The following COL11A1 variants were observed in gnomAD, a reference collection of about 807,000 sequenced individuals.
COL11A1 encodes collagen type XI alpha 1 chain, also known as collagen alpha-1(XI) chain.
In COL11A1, 74 loss-of-function variants were observed where a neutral mutation model predicts 265.2. That is an observed-to-expected ratio of 0.28 (90% CI 0.23 to 0.34). The LOEUF (loss-of-function observed/expected upper bound fraction) is 0.34, where lower values mean the gene tolerates loss of function less well. Among genes scored for constraint, COL11A1 ranks in the 10% least tolerant of loss-of-function variants. The pLI is 1.00. For missense variants in COL11A1, 2,165 were observed against 2,263.6 expected (o/e 0.96, Z 0.88); for synonymous variants, 816 against 727.6 (o/e 1.12, Z -1.96).
intron 4 of COL11A1, among the ~76,000 whole-genome samples, chr1:103,051,920 T>A (rs943712570): frequency 1.3e-5 from 2 of 152,202 alleles, no homozygotes; most frequent in African/African-American, 4.8e-5. Flanking sequence ...ACATAGTTCA[T>A]AAGTAATATG....
chr1:103,008,490 T>G lies in COL11A1; in HGVS notation c.1656A>C (p.Lys552Asn). Reference sequence around the variant, plus strand: ...GAGGACCTGGATCACCACTCTCACCTTTGGCCCCAGATGAACCAGGCCCCC... The same window carrying G: ...GAGGACCTGGATCACCACTCTCACCGTTGGCCCCAGATGAACCAGGCCCCC... ...PVGGPGSSGA[K>N]GESGDPGPQG... Residue 552 changes from lysine to asparagine, a missense_variant, in exon 15 of 67, where the codon AAA becomes AAC. Physicochemically the swap from Lys to Asn is moderately conservative, Grantham distance 94 (BLOSUM62 0). Coordinates refer to ENST00000370096, the MANE Select transcript of COL11A1 (RefSeq NM_001854.4). 6.2e-7 allele frequency: 1 copy of G among 1,613,900 alleles called. No homozygotes were observed. Among genetic ancestry groups the G allele is most frequent in the Non-Finnish European group, 8.5e-7 (1 of 1,179,902 alleles).
chr1:102,932,644 G>C (rs971757240), intron 46 of COL11A1, among the ~76,000 whole-genome samples: 1 of 152,084 alleles, frequency 6.6e-6, no homozygotes. Flanking sequence ...GGCCTGCCTT[G>C]CTAGATTGGG....
rs992098 is a variant in COL11A1, at chr1:102,913,949, C to T, written c.3979-259G>A. 0.058 allele frequency among the ~76,000 whole-genome samples: 8,857 copies of T among 152,114 alleles called. 492 individuals are homozygous for T. The highest frequency in any genetic ancestry group is 0.14 in the African/African-American group (5,712 of 41,486). On this transcript the variant is annotated intron_variant, in intron 52 of 66. Coordinates refer to ENST00000370096, the MANE Select transcript of COL11A1 (RefSeq NM_001854.4). ...TTTATATAAGGAAGAAAGAAGATGT[C>T]ATTAGTATACAATGTCAGTGAATCA...
At position 103,006,313 on chromosome 1, in the gene COL11A1, G is replaced by A. The variant is rs763260125; in HGVS notation, c.1686C>T (p.Gly562=). ...CAGGGGGACCCTGGACGCCTCGAGG[G>A]CCCTATATCAAGACATCATAATTAA... ...KGESGDPGPQ[G]PRGVQGPPGP... Residue 562 remains glycine (G), a splice_region_variant and synonymous_variant, in exon 16 of 67, where the codon GGC becomes GGT. Transcript: ENST00000370096. The A allele has an allele frequency of 6.2e-7, 1 of 1,607,634 alleles. No individual in the cohort carries two copies. The highest frequency in any genetic ancestry group is 8.5e-7 in the Non-Finnish European group (1 of 1,176,578).
At chr1:103,102,416 T>G (rs1674349178) in intron 1 of COL11A1, among the ~76,000 whole-genome samples, 1 of 152,004 alleles carries the variant, frequency 6.6e-6, no homozygotes, top group South Asian at 2.1e-4. Context: ...TTTATCTCTC[T>G]TCTTTGCTAA....
intron 36 of COL11A1, among the ~76,000 whole-genome samples, chr1:102,973,689 G>A (rs1341231068): frequency 2.6e-5 from 4 of 152,054 alleles, no homozygotes; most frequent in African/African-American, 9.7e-5. Context: ...GTAGTACCAA[G>A]GTTACTTTAT....
At chr1:102,890,331 C>A in intron 58 of COL11A1, 120 bp downstream of exon 58, 1 of 892,374 alleles carries the variant, frequency 1.1e-6, no homozygotes, top group Non-Finnish European at 1.7e-6. Flanking sequence ...AAGCTTTTTT[C>A]AGGGTTAGAA....
chr1:102,990,408 C>A (rs114866563), intron 28 of COL11A1, among the ~76,000 whole-genome samples: 2,068 of 151,748 alleles, frequency 0.014, 57 homozygotes, highest in African/African-American at 0.047. Flanking sequence ...AATCTTCTTT[C>A]AGGTAAAATT....
At chr1:103,083,088 C>A in intron 1 of COL11A1, 116 bp from the exon 2 acceptor site, 1 of 984,138 alleles carries the variant, frequency 1.0e-6, no homozygotes, top group Non-Finnish European at 1.5e-6. Flanking sequence ...TTATCACTTG[C>A]CATGCTTCCC....
At chr1:103,054,052 A>G (rs1670038318) in intron 4 of COL11A1, among the ~76,000 whole-genome samples, 1 of 152,160 alleles carries the variant, frequency 6.6e-6, no homozygotes, top group South Asian at 2.1e-4. Context: ...ACTAATGTGC[A>G]TTGAATTTGT....
intron 23 of COL11A1, among the ~76,000 whole-genome samples, 164 bp downstream of exon 23, chr1:103,002,264 G>C (rs1420069248): frequency 6.6e-6 from 1 of 152,040 alleles, no homozygotes; most frequent in African/African-American, 2.4e-5. Context: ...GCTTCTGCAA[G>C]TTTGCTCAAA....
intron 57 of COL11A1, among the ~76,000 whole-genome samples, chr1:102,893,158 C>T (rs576743669): frequency 6.6e-6 from 1 of 152,112 alleles, no homozygotes; most frequent in African/African-American, 2.4e-5. Flanking sequence ...AAATACCTGT[C>T]AACTTTCTCA....
intron 57 of COL11A1, among the ~76,000 whole-genome samples, chr1:102,891,407 ACTT>A (rs1162911975): frequency 6.6e-6 from 1 of 151,874 alleles, no homozygotes; most frequent in East Asian, 1.9e-4. Flanking sequence ...ATATAAATAT[ACTT>A]CTATTTCAAT....
chr1:102,915,603 A>G (rs1351420442), intron 50 of COL11A1, 28 bp downstream of exon 50: 27 of 1,597,032 alleles, frequency 1.7e-5, no homozygotes, highest in Non-Finnish European at 2.2e-5. Flanking sequence ...CCAATAATAC[A>G]CTATGTTAAC....
chr1:102,946,827 T>C (rs1659339871), intron 42 of COL11A1, 22 bp downstream of exon 42: 1 of 1,575,114 alleles, frequency 6.3e-7, no homozygotes, highest in South Asian at 1.1e-5. Flanking sequence ...GCATAATATA[T>C]TTTCTCCTAG....
intron 46 of COL11A1, among the ~76,000 whole-genome samples, chr1:102,931,006 G>A (rs1316419619): frequency 6.7e-6 from 1 of 149,240 alleles, no homozygotes; most frequent in Non-Finnish European, 1.5e-5. Context: ...AGTCTTGCTA[G>A]GGGTCTATCA....
At chr1:102,943,519 G>C (rs1658962162) in intron 42 of COL11A1, among the ~76,000 whole-genome samples, 1 of 150,706 alleles carries the variant, frequency 6.6e-6, no homozygotes, top group East Asian at 1.9e-4. Context: ...TCTCTTATTA[G>C]ATGCTTTCAG....
chr1:103,072,459 C>T (rs576763623), intron 4 of COL11A1, among the ~76,000 whole-genome samples: 2 of 151,914 alleles, frequency 1.3e-5, no homozygotes, highest in African/African-American at 4.8e-5. Context: ...ATTTATAAAA[C>T]ACTAACATAA....
chr1:102,881,900 AATTAG>A (rs1650292547), intron 64 of COL11A1, 135 bp from the exon 65 acceptor site: 1 of 694,040 alleles, frequency 1.4e-6, no homozygotes, highest in Admixed American at 2.4e-5. Flanking sequence ...AAATGACACA[AATTAG>A]ATTATACAAA....
Sources: allele counts gnomAD v4.1 joint callset (sites outside exome capture counted in the v4.1 genomes callset), GRCh38; gene constraint gnomAD v4.1.1; transcripts MANE v1.5; gene names NCBI Gene and HGNC (gene_info 2026-07-23, HGNC 2026-07-21).